Variants in PTPRK observed in about 807,000 individuals in gnomAD.
The protein encoded by PTPRK is protein tyrosine phosphatase receptor type K, also known as receptor-type tyrosine-protein phosphatase kappa.
PTPRK carries 75 observed loss-of-function variants against 178.0 expected under a neutral mutation model. The observed-to-expected ratio is 0.42, with a 90% CI of 0.35 to 0.51. The LOEUF is 0.51. Among genes scored for constraint, PTPRK ranks in the 20% least tolerant of loss-of-function variants. PTPRK has a pLI of 0.02. For missense variants in PTPRK, 1,441 were observed against 1,797.8 expected (o/e 0.80, Z 3.59); for synonymous variants, 637 against 620.6 (o/e 1.03, Z -0.39).
chr6:127,997,390 G>A (rs1777281436), intron 16 of PTPRK, among the ~76,000 whole-genome samples: 1 of 152,028 alleles, frequency 6.6e-6, no homozygotes, highest in African/African-American at 2.4e-5. Flanking sequence ...ACAGTAGAAA[G>A]AAAACCTGCT....
At chr6:128,338,010 C>CAGACCA (rs1479513907) in intron 2 of PTPRK, among the ~76,000 whole-genome samples, 2 of 152,088 alleles carry the variant, frequency 1.3e-5, no homozygotes, top group South Asian at 4.1e-4. Context: ...AAGAAGTAAA[C>CAGACCA]AGACCAAGCA....
At chr6:128,274,652 A>C (rs1820427224) in intron 3 of PTPRK, among the ~76,000 whole-genome samples, 1 of 152,112 alleles carries the variant, frequency 6.6e-6, no homozygotes, top group Non-Finnish European at 1.5e-5. Context: ...AAATAAACTT[A>C]AAAGTATTTT....
At chr6:128,407,317 C>T (rs1042287353) in intron 1 of PTPRK, among the ~76,000 whole-genome samples, 3 of 152,042 alleles carry the variant, frequency 2.0e-5, no homozygotes, top group Non-Finnish European at 2.9e-5. Context: ...GATCTCCAAA[C>T]TTGAAATATT....
chr6:128,140,420 A>G (rs944901637), intron 7 of PTPRK, among the ~76,000 whole-genome samples: 1 of 152,016 alleles, frequency 6.6e-6, no homozygotes, highest in Admixed American at 6.6e-5. Context: ...ATATCTCATA[A>G]TAAATGTCAG....
chr6:128,013,421 A>C (rs1779261922), intron 13 of PTPRK, among the ~76,000 whole-genome samples: 1 of 151,470 alleles, frequency 6.6e-6, no homozygotes. Flanking sequence ...CCATGGAGTC[A>C]TGTGATTAAT....
chr6:127,983,160 A>G (rs1386880218), intron 23 of PTPRK, 82 bp downstream of exon 23: 68 of 1,354,486 alleles, frequency 5.0e-5, no homozygotes, highest in Non-Finnish European at 6.2e-5. Context: ...GGTTGAGTAG[A>G]GTATATATGA....
intron 3 of PTPRK, among the ~76,000 whole-genome samples, chr6:128,314,365 C>T (rs139548462): frequency 6.6e-5 from 10 of 152,192 alleles, no homozygotes; most frequent in African/African-American, 2.4e-4. Flanking sequence ...CAGAAGGGTG[C>T]CTGGCATGGA....
chr6:128,313,694 G>T (rs529136328), intron 3 of PTPRK, among the ~76,000 whole-genome samples: 11 of 152,232 alleles, frequency 7.2e-5, no homozygotes, highest in African/African-American at 2.6e-4. Context: ...AGGAAACACT[G>T]GCAAAATCTG....
At chr6:128,053,025 T>C (rs1353939496) in intron 13 of PTPRK, among the ~76,000 whole-genome samples, 1 of 152,106 alleles carries the variant, frequency 6.6e-6, no homozygotes, top group Non-Finnish European at 1.5e-5. Flanking sequence ...ATGAGCCATT[T>C]ATCCAAAGAG....
chr6:128,468,724 G>C (rs1850216430), intron 1 of PTPRK, among the ~76,000 whole-genome samples: 1 of 151,924 alleles, frequency 6.6e-6, no homozygotes, highest in Non-Finnish European at 1.5e-5. Context: ...AATTTCCATT[G>C]GTTCTGTTTT....
intron 13 of PTPRK, among the ~76,000 whole-genome samples, 196 bp downstream of exon 13, chr6:128,064,562 T>C (rs926830428): frequency 6.6e-5 from 10 of 152,204 alleles, no homozygotes; most frequent in African/African-American, 2.4e-4. Context: ...TTTCCTGTTA[T>C]CATAACAAGA....
chr6:128,045,601 A>T (rs1777915179), intron 13 of PTPRK, among the ~76,000 whole-genome samples: 1 of 152,054 alleles, frequency 6.6e-6, no homozygotes. Context: ...TTTCTAAATT[A>T]TGTCAATAAA....
rs142146050 is a variant in PTPRK at position 128,061,389 on chromosome 6, C to T, written c.2194+3369G>A. 5.9e-5 allele frequency among the ~76,000 whole-genome samples: 9 copies of T among 152,268 alleles called. No homozygotes were observed. In the East Asian group the frequency reaches 1.7e-3, roughly 29 times the overall value. On this transcript the variant is annotated intron_variant, in intron 13 of 29. Coordinates refer to ENST00000368226, the MANE Select transcript of PTPRK (RefSeq NM_002844.4). Reference sequence around the variant, plus strand: ...ACAGAAAATTTGTGTGGTAAAAGGACACACTGCAAACTGGAATGTCTTATG... The same window carrying T: ...ACAGAAAATTTGTGTGGTAAAAGGATACACTGCAAACTGGAATGTCTTATG...
chr6:128,251,151 C>T (rs1177787519), intron 3 of PTPRK, among the ~76,000 whole-genome samples: 1 of 152,020 alleles, frequency 6.6e-6, no homozygotes, highest in Non-Finnish European at 1.5e-5. Flanking sequence ...TACTTAGTTC[C>T]TGAAGGAGAT....
intron 16 of PTPRK, 48 bp from the exon 17 acceptor site, chr6:127,997,036 A>G: frequency 6.4e-7 from 1 of 1,571,764 alleles, no homozygotes; most frequent in Middle Eastern, 1.7e-4. Flanking sequence ...TCCTTTTTAA[A>G]AATCAGGTTT....
intron 2 of PTPRK, among the ~76,000 whole-genome samples, chr6:128,330,094 C>T (rs1011760150): frequency 6.6e-6 from 1 of 152,056 alleles, no homozygotes; most frequent in Non-Finnish European, 1.5e-5. Flanking sequence ...AAAGAACATG[C>T]CAGAAACTGT....
chr6:128,424,022 T>C (rs913416347), intron 1 of PTPRK, among the ~76,000 whole-genome samples: 9 of 148,570 alleles, frequency 6.1e-5, no homozygotes, highest in African/African-American at 2.0e-4. Flanking sequence ...GGAGTCAAGA[T>C]CAGCCTGGTC....
chr6:128,219,827 G>C (rs1047945048), intron 5 of PTPRK, among the ~76,000 whole-genome samples: 9 of 152,178 alleles, frequency 5.9e-5, no homozygotes, highest in Non-Finnish European at 1.3e-4. Context: ...CATTGCCTGT[G>C]CATCTCTGTA....
chr6:128,083,437 G>A (rs920989350), intron 9 of PTPRK, among the ~76,000 whole-genome samples: 1 of 151,850 alleles, frequency 6.6e-6, no homozygotes, highest in Non-Finnish European at 1.5e-5. Flanking sequence ...TATAACCATC[G>A]TAAATCTGAT....
Sources: allele counts gnomAD v4.1 joint callset (sites outside exome capture counted in the v4.1 genomes callset), GRCh38; gene constraint gnomAD v4.1.1; transcripts MANE v1.5; gene names NCBI Gene and HGNC (gene_info 2026-07-23, HGNC 2026-07-21).